Variants in CDON observed in about 807,000 individuals in gnomAD.
CDON encodes cell adhesion associated, oncogene regulated.
A neutral mutation model predicts 120.9 loss-of-function variants in CDON; 73 were observed. The ratio of observed to expected loss-of-function variants is 0.60; its 90% CI spans 0.50 to 0.73. The LOEUF (loss-of-function observed/expected upper bound fraction) is 0.73. Ranked by LOEUF, CDON falls within the 30% of genes least tolerant of loss-of-function variation. CDON has a pLI of 0.00. For synonymous variants in CDON, 566 were observed against 573.5 expected, an observed-to-expected ratio of 0.99 and a Z score of 0.19; for missense variants, 1,470 against 1,587.3, an observed-to-expected ratio of 0.93 and a Z score of 1.26.
At chr11:125,996,865 A>T (rs1270089948) in intron 12 of CDON, among the ~76,000 whole-genome samples, 2 of 151,914 alleles carry the variant, frequency 1.3e-5, no homozygotes, top group African/African-American at 2.4e-5. Context: ...TTCGAAAAAA[A>T]ATATAAGACT....
At chr11:125,989,263 C>T (rs944450143) in intron 15 of CDON, among the ~76,000 whole-genome samples, 4 of 152,194 alleles carry the variant, frequency 2.6e-5, no homozygotes, top group East Asian at 3.9e-4. Flanking sequence ...TGTCCAGGCA[C>T]GGTGGCTCAC....
At chr11:126,055,338 A>G (rs2134947252) in intron 1 of CDON, among the ~76,000 whole-genome samples, 1 of 152,302 alleles carries the variant, frequency 6.6e-6, no homozygotes, top group South Asian at 2.1e-4. Context: ...GGAGGATGGA[A>G]TTGGTATGGA....
Position 126,019,770 on chromosome 11 carries a change from A to AAT in CDON, c.350-7_350-6dup. On this transcript the variant is annotated splice_region_variant and splice_polypyrimidine_tract_variant and intron_variant, in intron 3 of 19. Coordinates refer to ENST00000531738, the MANE Select transcript of CDON (RefSeq NM_001378964.1). ...ATGAACCAAAATCACCAAGAACTGA[A>AAT]ATATATAAGGAAACAGATAAATAAA... is the stretch of plus-strand genomic sequence containing the variant. The AAT allele has an allele frequency of 6.2e-7, 1 of 1,608,556 alleles. No homozygotes were observed. The highest frequency in any genetic ancestry group is 8.5e-7 in the Non-Finnish European group (1 of 1,175,330).
chr11:125,991,759 T>C (rs888144183), intron 14 of CDON, among the ~76,000 whole-genome samples: 13 of 152,070 alleles, frequency 8.5e-5, no homozygotes, highest in African/African-American at 3.1e-4. Context: ...TTCAAATGCA[T>C]AAACTTGAAA....
At chr11:126,054,233 C>G (rs1218369491) in intron 1 of CDON, among the ~76,000 whole-genome samples, 1 of 152,154 alleles carries the variant, frequency 6.6e-6, no homozygotes, top group African/African-American at 2.4e-5. Flanking sequence ...GAGACACAAT[C>G]CTGAATATGT....
chr11:126,008,607 A>G (rs977991727), intron 8 of CDON, among the ~76,000 whole-genome samples: 2 of 152,180 alleles, frequency 1.3e-5, no homozygotes, highest in East Asian at 1.9e-4. Flanking sequence ...TTCATCAGCC[A>G]TAAAACTATG....
chr11:126,041,875 A>G (rs1329406650), intron 1 of CDON, among the ~76,000 whole-genome samples: 2 of 152,142 alleles, frequency 1.3e-5, no homozygotes, highest in Admixed American at 6.6e-5. Flanking sequence ...ATATTAGGCA[A>G]TATCAATTTG....
chr11:125,978,429 C>T (rs768080713), intron 17 of CDON, 46 bp from the exon 18 acceptor site: 14 of 1,229,636 alleles, frequency 1.1e-5, no homozygotes, highest in Non-Finnish European at 1.7e-5. Flanking sequence ...AGAAGGAATG[C>T]TGAAGGTACT....
chr11:126,003,698 T>C, intron 10 of CDON, among the ~76,000 whole-genome samples: 1 of 152,108 alleles, frequency 6.6e-6, no homozygotes, highest in East Asian at 1.9e-4. Flanking sequence ...CACGCACCTG[T>C]AGTCACAGCT....
At chr11:126,019,069 C>T (rs1382174701) in intron 4 of CDON, among the ~76,000 whole-genome samples, 3 of 152,196 alleles carry the variant, frequency 2.0e-5, no homozygotes, top group African/African-American at 4.8e-5. Flanking sequence ...CCTCTAGCTA[C>T]AGCACTGGTC....
At chr11:126,057,478 G>A (rs1383358667) in intron 1 of CDON, among the ~76,000 whole-genome samples, 1 of 152,190 alleles carries the variant, frequency 6.6e-6, no homozygotes, top group African/African-American at 2.4e-5. Flanking sequence ...TGTTCATACA[G>A]TTCACGAACA....
chr11:125,983,560 G>A (rs1946375065), intron 16 of CDON, among the ~76,000 whole-genome samples: 1 of 152,150 alleles, frequency 6.6e-6, no homozygotes, highest in Non-Finnish European at 1.5e-5. Flanking sequence ...CAGAGCTCAG[G>A]CTTCAAATAT....
intron 8 of CDON, among the ~76,000 whole-genome samples, chr11:126,007,506 C>T (rs547270867): frequency 1.3e-5 from 2 of 152,200 alleles, no homozygotes; most frequent in South Asian, 2.1e-4. Context: ...CAGAAGGACT[C>T]GGCAAGTGGA....
chr11:126,010,485 G>C lies in CDON; in HGVS notation c.1408C>G (p.Leu470Val). ...SQLSRPEGLN[L>V]EPVYFVLSQA... ...GACAGGACGAAGTACACAGGCTCCA[G>C]GTTCAAGCCCTCAGGTCTTGATAAC... Residue 470 changes from leucine (L) to valine (V), a missense_variant, in exon 8 of 20, where the codon CTG (leucine) becomes GTG (valine). Physicochemically the swap from Leu to Val is conservative, Grantham distance 32. Coordinates refer to ENST00000531738, the MANE Select transcript of CDON (RefSeq NM_001378964.1). The C allele has an allele frequency of 6.2e-7, 1 of 1,614,084 alleles. No individual in the cohort carries two copies. The highest frequency in any genetic ancestry group is 1.7e-5 in the Admixed American group (1 of 60,012).
intron 18 of CDON, among the ~76,000 whole-genome samples, chr11:125,967,498 G>A (rs926831388): frequency 6.6e-6 from 1 of 152,176 alleles, no homozygotes; most frequent in Admixed American, 6.5e-5. Context: ...CAAACGCAAT[G>A]ACAGTTCTCA....
chr11:126,052,120 CA>C (rs72072070), intron 1 of CDON, among the ~76,000 whole-genome samples: 16,899 of 151,030 alleles, frequency 0.11, 1,248 homozygotes, highest in Middle Eastern at 0.24. Context: ...CAAAACAAAA[CA>C]AAAAAAACTT....
chr11:126,036,725 G>A (rs1242943719), intron 1 of CDON, among the ~76,000 whole-genome samples: 2 of 152,136 alleles, frequency 1.3e-5, no homozygotes, highest in Non-Finnish European at 2.9e-5. Flanking sequence ...GTCTCGCTCT[G>A]CTGCCCGGAC....
chr11:125,993,880 C>T (rs1946702048), intron 14 of CDON, among the ~76,000 whole-genome samples: 1 of 152,238 alleles, frequency 6.6e-6, no homozygotes, highest in Non-Finnish European at 1.5e-5. Context: ...TTCTCAGCAT[C>T]TCTACAAGTG....
intron 1 of CDON, among the ~76,000 whole-genome samples, chr11:126,056,194 C>T (rs1041699124): frequency 4.6e-5 from 7 of 152,248 alleles, no homozygotes; most frequent in Admixed American, 6.5e-5. Flanking sequence ...CCCTTCCAAA[C>T]AGCACTGCTT....
Sources: gnomAD v4.1 joint callset for allele counts (sites outside exome capture counted in the v4.1 genomes callset) on GRCh38, gnomAD v4.1.1 for gene constraint, MANE v1.5 for transcripts, NCBI Gene and HGNC (gene_info 2026-07-23, HGNC 2026-07-21) for gene names.